The following BLK variants were observed in gnomAD, a reference collection of about 807,000 sequenced individuals.
BLK encodes BLK proto-oncogene, Src family tyrosine kinase.
A neutral mutation model predicts 61.8 loss-of-function variants in BLK; 64 were observed. The observed-to-expected ratio is 1.03, with a 90% CI of 0.85 to 1.27. The LOEUF (loss-of-function observed/expected upper bound fraction) is 1.27, where lower values mean the gene tolerates loss of function less well. Ranked by LOEUF, BLK falls within the 50% of genes most tolerant of loss-of-function variation. The pLI is 0.00. For synonymous variants in BLK, 351 were observed against 272.0 expected, an observed-to-expected ratio of 1.29 and a Z score of -2.86; for missense variants, 853 against 660.5, an observed-to-expected ratio of 1.29 and a Z score of -3.19.
intron 2 of BLK, among the ~76,000 whole-genome samples, 170 bp downstream of exon 2, chr8:11,543,517 G>T (rs376386260): frequency 3.3e-5 from 5 of 152,320 alleles, no homozygotes; most frequent in Admixed American, 1.3e-4. Context: ...ACCCGGCCTG[G>T]TTAGCTCCCA....
intron 10 of BLK, 158 bp from the exon 11 acceptor site, chr8:11,561,144 T>C (rs988852728): frequency 9.2e-7 from 1 of 1,087,704 alleles, no homozygotes; most frequent in South Asian, 1.4e-5. Flanking sequence ...AGGAGAGGAG[T>C]TTATTCGGCT....
rs377272210 is a variant in BLK, at chr8:11,553,583, A to T, written c.473-1160A>T. On this transcript the variant is annotated intron_variant, in intron 6 of 12. Transcript: ENST00000259089. ...GAGGCACCCGACACAAGTGCAGCCT[A>T]CAAAATGGAGAGAAAAGCCCTTGAT... 4.7e-5 allele frequency: 10 copies of T among 210,986 alleles called. No individual in the cohort carries two copies. The East Asian group carries it at 6.8e-4, about 14-fold the overall frequency. 13.1% of individuals were successfully genotyped at this position (210,986 alleles called of 1,614,324 possible).
chr8:11,553,870 A>G (rs1801042940), intron 6 of BLK, among the ~76,000 whole-genome samples: 1 of 152,184 alleles, frequency 6.6e-6, no homozygotes, highest in Non-Finnish European at 1.5e-5. Flanking sequence ...GCCTTAAGTC[A>G]AACAGGACCG....
At chr8:11,555,536 C>T (rs992229071) in intron 8 of BLK, 52 bp downstream of exon 8, 2 of 1,611,936 alleles carry the variant, frequency 1.2e-6, no homozygotes, top group Non-Finnish European at 8.5e-7. Flanking sequence ...ACCTGCGCCG[C>T]ATCCTGAGTC....
intron 5 of BLK, 135 bp downstream of exon 5, chr8:11,549,257 G>A (rs1438975729): frequency 5.0e-6 from 4 of 806,766 alleles, no homozygotes; most frequent in Admixed American, 2.0e-5. Context: ...GACAGGAAAT[G>A]AGCTCTGCTG....
intron 1 of BLK, among the ~76,000 whole-genome samples, chr8:11,524,028 A>G (rs990457076): frequency 1.6e-4 from 24 of 152,200 alleles, no homozygotes; most frequent in African/African-American, 5.5e-4. Flanking sequence ...GCTTAAAAAT[A>G]TTGGACAATT....
At chr8:11,521,875 T>G (rs1318813217) in intron 1 of BLK, among the ~76,000 whole-genome samples, 4 of 152,224 alleles carry the variant, frequency 2.6e-5, no homozygotes, top group African/African-American at 9.6e-5. Flanking sequence ...TCTTGGTTTT[T>G]TTTCTCTTCA....
intron 6 of BLK, among the ~76,000 whole-genome samples, chr8:11,551,994 G>A (rs1159107049): frequency 2.6e-5 from 4 of 152,212 alleles, no homozygotes; most frequent in African/African-American, 9.7e-5. Context: ...TGTCCACAGG[G>A]ACCAGGTACA....
intron 1 of BLK, among the ~76,000 whole-genome samples, chr8:11,542,438 G>A (rs553898914): frequency 3.1e-4 from 47 of 152,346 alleles, no homozygotes; most frequent in African/African-American, 1.1e-3. Context: ...CAGGAGTGCA[G>A]TGGTCTCAGG....
At chr8:11,514,502 TTGCACGCTGAGCTCTGA>T (rs1292085994) in intron 1 of BLK, among the ~76,000 whole-genome samples, 1 of 152,194 alleles carries the variant, frequency 6.6e-6, no homozygotes, top group Non-Finnish European at 1.5e-5. Flanking sequence ...AGGACCCTTC[TTGCACGCTGAGCTCTGA>T]GCAGTGAGGG....
chr8:11,562,442 G>C (rs1455071045), intron 11 of BLK, among the ~76,000 whole-genome samples: 1 of 152,162 alleles, frequency 6.6e-6, no homozygotes, highest in African/African-American at 2.4e-5. Flanking sequence ...GCTGTGAAGT[G>C]CCAAGCCCTG....
At chr8:11,532,328 A>T (rs1799922977) in intron 1 of BLK, among the ~76,000 whole-genome samples, 1 of 149,692 alleles carries the variant, frequency 6.7e-6, no homozygotes, top group South Asian at 2.1e-4. Flanking sequence ...GCTCCCAAGT[A>T]GCTAGGATTA....
chr8:11,543,497 C>A, intron 2 of BLK, 150 bp downstream of exon 2: 1 of 1,148,034 alleles, frequency 8.7e-7, no homozygotes, highest in Non-Finnish European at 1.2e-6. Flanking sequence ...TGCAATATAA[C>A]ACGCACAGGA....
intron 1 of BLK, among the ~76,000 whole-genome samples, chr8:11,522,203 A>G (rs950004653): frequency 6.6e-6 from 1 of 152,208 alleles, no homozygotes; most frequent in African/African-American, 2.4e-5. Context: ...AAAAAACTAC[A>G]TTTTTCTAAA....
intron 1 of BLK, among the ~76,000 whole-genome samples, chr8:11,542,288 G>T (rs1459764788): frequency 6.6e-6 from 1 of 152,218 alleles, no homozygotes; most frequent in Non-Finnish European, 1.5e-5. Context: ...GTGAAAAAAG[G>T]TCCATCTTAG....
chr8:11,560,939 C>G, intron 10 of BLK: 1 of 483,674 alleles, frequency 2.1e-6, no homozygotes, highest in East Asian at 5.9e-5. Context: ...TTGCCTCCTG[C>G]TCCCCCTCCC....
intron 1 of BLK, among the ~76,000 whole-genome samples, chr8:11,521,919 T>C (rs1452523139): frequency 1.3e-5 from 2 of 152,240 alleles, no homozygotes; most frequent in Non-Finnish European, 2.9e-5. Flanking sequence ...CCTTTTCTTA[T>C]GCATAAAATT....
chr8:11,498,910 G>A (rs1030026198), intron 1 of BLK, among the ~76,000 whole-genome samples: 3 of 152,104 alleles, frequency 2.0e-5, no homozygotes, highest in African/African-American at 4.8e-5. Context: ...GAACCACCAG[G>A]GGGTCCTTGT....
chr8:11,562,940 G>T (rs773406711), intron 11 of BLK, 39 bp from the exon 12 acceptor site: 1 of 1,613,076 alleles, frequency 6.2e-7, no homozygotes, highest in Admixed American at 1.7e-5. Flanking sequence ...AGGGGCCACC[G>T]GCCGTGGCCT....
Sources: gnomAD v4.1 joint callset for allele counts (sites outside exome capture counted in the v4.1 genomes callset) on GRCh38, gnomAD v4.1.1 for gene constraint, MANE v1.5 for transcripts, NCBI Gene and HGNC (gene_info 2026-07-23, HGNC 2026-07-21) for gene names.